ALDH6A1: variants seen among roughly 807,000 people sequenced by gnomAD.
The protein encoded by ALDH6A1 is aldehyde dehydrogenase 6 family member A1.
ALDH6A1 carries 43 observed loss-of-function variants against 62.6 expected under a neutral mutation model. The ratio of observed to expected loss-of-function variants is 0.69; its 90% CI spans 0.54 to 0.89. The LOEUF (loss-of-function observed/expected upper bound fraction) is 0.89. Among genes scored for constraint, ALDH6A1 ranks in the 40% least tolerant of loss-of-function variants. The pLI, the probability that ALDH6A1 is intolerant of heterozygous loss-of-function variation, is 0.00. For synonymous variants in ALDH6A1, 194 were observed against 234.2 expected (o/e 0.83, Z 1.57); for missense variants, 551 against 661.3 (o/e 0.83, Z 1.83).
chr14:74,084,207 A>AG, intron 1 of ALDH6A1, 140 bp downstream of exon 1: 1 of 1,278,268 alleles, frequency 7.8e-7, no homozygotes, highest in Non-Finnish European at 1.1e-6. Context: ...GGCATGGGAC[A>AG]GGGCCGCACA....
In ALDH6A1 at chr14:74,057,178, A is replaced by T; in HGVS notation, c.*3464T>A. 1 of 1,613,570 alleles carries T rather than the reference A, an allele frequency of 6.2e-7. No homozygotes were observed. The highest frequency in any genetic ancestry group is 8.5e-7 in the Non-Finnish European group (1 of 1,179,596). ...TAAGCTTCAAGATAAAATCTTCATC[A>T]CCCAGCAAATTGCAATATCAGACTC... On this transcript the variant is annotated 3_prime_UTR_variant, in exon 12 of 12. Coordinates refer to ENST00000553458, the MANE Select transcript of ALDH6A1 (RefSeq NM_005589.4).
intron 11 of ALDH6A1, among the ~76,000 whole-genome samples, chr14:74,064,309 A>AAAT (rs1555376468): frequency 3.4e-5 from 5 of 148,704 alleles, no homozygotes; most frequent in African/African-American, 7.4e-5. Flanking sequence ...AAAAAAAAAA[A>AAAT]AATAATAATA....
chr14:74,064,987 C>T (rs2060437055), intron 10 of ALDH6A1, 67 bp from the exon 11 acceptor site: 1 of 1,471,014 alleles, frequency 6.8e-7, no homozygotes, highest in African/African-American at 1.4e-5. Flanking sequence ...AACACAAAGG[C>T]ATCAGAGACC....
intron 6 of ALDH6A1, among the ~76,000 whole-genome samples, chr14:74,070,497 C>T (rs144858887): frequency 1.3e-5 from 2 of 152,130 alleles, no homozygotes; most frequent in African/African-American, 2.4e-5. Context: ...CCAGTCTGGG[C>T]GACAGAGGGA....
intron 11 of ALDH6A1, among the ~76,000 whole-genome samples, chr14:74,063,086 G>A (rs1467216566): frequency 1.3e-5 from 2 of 151,980 alleles, no homozygotes; most frequent in East Asian, 1.9e-4. Context: ...CTTCTCATTT[G>A]CTCACTGTGC....
At chr14:74,069,857 T>C (rs1175691357) in intron 6 of ALDH6A1, among the ~76,000 whole-genome samples, 1 of 149,646 alleles carries the variant, frequency 6.7e-6, no homozygotes, top group Non-Finnish European at 1.5e-5. Context: ...AACCTTTTTT[T>C]TTTTTTTTTT....
chr14:74,071,805 T>G, intron 5 of ALDH6A1, 91 bp downstream of exon 5: 1 of 1,514,634 alleles, frequency 6.6e-7, no homozygotes, highest in Non-Finnish European at 9.2e-7. Flanking sequence ...AAAATCTATG[T>G]AAAGGAAGAA....
At chr14:74,068,632 A>T (rs894430662) in intron 7 of ALDH6A1, among the ~76,000 whole-genome samples, 3 of 151,694 alleles carry the variant, frequency 2.0e-5, no homozygotes, top group African/African-American at 7.3e-5. Flanking sequence ...ATTCCCAGCT[A>T]CTCGGGAGGC....
chr14:74,064,734 C>CA, intron 11 of ALDH6A1, 88 bp downstream of exon 11: 1 of 1,612,334 alleles, frequency 6.2e-7, no homozygotes, highest in East Asian at 2.2e-5. Context: ...ATGCTGCTGG[C>CA]AGTCCCTTCC....
Position 74,059,556 on chromosome 14 carries a change from G to T in ALDH6A1, c.*1086C>A. On this transcript the variant is annotated 3_prime_UTR_variant, in exon 12 of 12. Coordinates refer to ENST00000553458, the MANE Select transcript of ALDH6A1 (RefSeq NM_005589.4). ...ACTAAAAATACAAAATTAGCTGGGT[G>T]TGGTGGCGCATGCCTGTAATCCCAG... 1 of 322,404 alleles carries T rather than the reference G, an allele frequency of 3.1e-6. No homozygotes were observed. The highest frequency in any genetic ancestry group is 6.1e-6 in the Non-Finnish European group (1 of 164,168). The allele number at this position is 322,404 out of a possible 1,614,324, so 20.0% of individuals were successfully genotyped here.
chr14:74,079,858 G>A (rs2060654149), intron 1 of ALDH6A1, among the ~76,000 whole-genome samples: 1 of 151,992 alleles, frequency 6.6e-6, no homozygotes, highest in African/African-American at 2.4e-5. Flanking sequence ...TGTGAGCCAC[G>A]ACATGTGACC....
chr14:74,071,302 A>G lies in ALDH6A1; in HGVS notation c.623T>C (p.Met208Thr), dbSNP rs2060545773. 4 of 1,614,210 alleles carry G rather than the reference A, an allele frequency of 2.5e-6. No individual in the cohort carries two copies. The highest frequency in any genetic ancestry group is 3.4e-6 in the Non-Finnish European group (4 of 1,180,032). Residue 208 changes from methionine (M) to threonine (T), a missense_variant, in exon 6 of 12, where the codon ATG becomes ACG. Met to Thr is a moderately conservative substitution (Grantham distance 81, BLOSUM62 -1). Coordinates refer to ENST00000553458, the MANE Select transcript of ALDH6A1 (RefSeq NM_005589.4). ...MAMVCGNTFL[M>T]KPSERVPGAT... ...TCCAGGGACTCGCTCAGATGGTTTCATTAGGAAGGTATTTCCACACACCAT... is the reference window on the plus strand; with the variant it reads ...TCCAGGGACTCGCTCAGATGGTTTCGTTAGGAAGGTATTTCCACACACCAT...
chr14:74,074,278 C>T (rs893945813), intron 2 of ALDH6A1, among the ~76,000 whole-genome samples: 2 of 146,940 alleles, frequency 1.4e-5, no homozygotes, highest in Non-Finnish European at 3.0e-5. Context: ...CGCCCGGCCC[C>T]TTTCACTAAA....
At position 74,058,402 on chromosome 14, in the gene ALDH6A1, G is replaced by A. The variant is rs975679510; in HGVS notation, c.*2240C>T. On this transcript the variant is annotated 3_prime_UTR_variant, in exon 12 of 12. Coordinates refer to ENST00000553458, the MANE Select transcript of ALDH6A1 (RefSeq NM_005589.4). ...GATAAGAGCTAAAACAAGGGGTACTGTAGTCTCAAATTATAAATTTCTATT... is the reference window on the plus strand; with the variant it reads ...GATAAGAGCTAAAACAAGGGGTACTATAGTCTCAAATTATAAATTTCTATT... 2.7e-5 allele frequency: 4 copies of A among 146,420 alleles called. No individual in the cohort carries two copies. Among genetic ancestry groups the A allele is most frequent in the Non-Finnish European group, 4.5e-5 (3 of 67,128 alleles). 9.1% of individuals were successfully genotyped at this position (146,420 alleles called of 1,614,324 possible). A position where few individuals can be genotyped will look rare whatever the true frequency, so the allele number is the denominator to read the frequency against.
chr14:74,084,292 G>T, intron 1 of ALDH6A1, 55 bp downstream of exon 1: 1 of 1,612,212 alleles, frequency 6.2e-7, no homozygotes, highest in South Asian at 1.1e-5. Flanking sequence ...TCAGGGAGCG[G>T]ACGGAAAGGA....
Position 74,072,222 on chromosome 14 carries a change from T to C in ALDH6A1, c.329A>G (p.Gln110Arg), listed in dbSNP as rs2060560101. ...SRQQVLLRYQ[Q>R]LIKENLKEIA... ...TCATACCAAGTTTTCTTTAATAAGT[T>C]GTTGATAGCGGAGCAAGACCTGCTG... Residue 110 changes from glutamine (Q) to arginine (R), a missense_variant, in exon 4 of 12, where the codon CAA becomes CGA. Gln to Arg is a conservative substitution (Grantham distance 43, BLOSUM62 1). Coordinates refer to ENST00000553458, the MANE Select transcript of ALDH6A1 (RefSeq NM_005589.4). 6.2e-7 allele frequency: 1 copy of C among 1,614,114 alleles called. No individual in the cohort carries two copies. Among genetic ancestry groups the C allele is most frequent in the Non-Finnish European group, 8.5e-7 (1 of 1,180,050 alleles).
intron 2 of ALDH6A1, among the ~76,000 whole-genome samples, chr14:74,073,952 T>C (rs1256424531): frequency 1.3e-5 from 2 of 150,934 alleles, no homozygotes; most frequent in Non-Finnish European, 2.9e-5. Context: ...AAAATGTTTC[T>C]ATGTATTTTT....
intron 1 of ALDH6A1, among the ~76,000 whole-genome samples, chr14:74,076,358 A>G (rs1241646719): frequency 6.6e-6 from 1 of 152,098 alleles, no homozygotes; most frequent in Non-Finnish European, 1.5e-5. Context: ...GTCTGTATAT[A>G]TGTTATCAAA....
Position 74,065,323 on chromosome 14 carries a change from G to A in ALDH6A1, c.1262C>T (p.Pro421Leu), listed in dbSNP as rs2060443901. ...MTCYKEEIFG[P>L]VLVVLETETL... is the part of the protein sequence containing the mutation. ...TTCTGTCTCCAGAACCACAAGAACT[G>A]GACCAAAAATCTCCTCTTTGTAACA... is the stretch of plus-strand genomic sequence containing the variant. The change falls in exon 10 of 12, where the codon CCA becomes CTA. Residue 421 changes from proline (P) to leucine (L), a missense_variant. Physicochemically the swap from Pro to Leu is moderately conservative, Grantham distance 98 (BLOSUM62 -3). Transcript: ENST00000553458. 6.2e-7 allele frequency: 1 copy of A among 1,613,904 alleles called. No homozygotes were observed. Among genetic ancestry groups the A allele is most frequent in the African/African-American group, 1.3e-5 (1 of 74,898 alleles).
Sources: gnomAD v4.1 joint callset for allele counts (sites outside exome capture counted in the v4.1 genomes callset) on GRCh38, gnomAD v4.1.1 for gene constraint, MANE v1.5 for transcripts, NCBI Gene and HGNC (gene_info 2026-07-23, HGNC 2026-07-21) for gene names.